The following JPH2 variants were observed in gnomAD, a reference collection of about 807,000 sequenced individuals.
JPH2 encodes the protein junctophilin-2.
JPH2 carries 38 observed loss-of-function variants against 55.9 expected under a neutral mutation model. The observed-to-expected ratio is 0.68, with a 90% CI of 0.52 to 0.89. The LOEUF (loss-of-function observed/expected upper bound fraction) is 0.89. JPH2 is among the 40% of genes least tolerant of loss of function. The probability of loss-of-function intolerance (pLI) is 0.00; values close to 1 mark genes in which losing one functional copy is unlikely to be tolerated. For synonymous variants in JPH2, 480 were observed against 472.4 expected (o/e 1.02, Z -0.21); for missense variants, 964 against 1,037.6 (o/e 0.93, Z 0.97).
intron 4 of JPH2, 85 bp downstream of exon 4, chr20:44,115,580 C>A: frequency 6.3e-7 from 1 of 1,583,996 alleles, no homozygotes; most frequent in East Asian, 2.3e-5. Context: ...CAGCAACCCC[C>A]AAATCCCCTG....
intron 2 of JPH2, among the ~76,000 whole-genome samples, chr20:44,142,861 C>T (rs773562943): frequency 2.0e-5 from 3 of 152,130 alleles, no homozygotes; most frequent in African/African-American, 7.2e-5. Context: ...GTGGGTTCTT[C>T]CCATTACAGT....
At chr20:44,121,861 C>G (rs1989606) in intron 2 of JPH2, among the ~76,000 whole-genome samples, 4 of 151,668 alleles carry the variant, frequency 2.6e-5, no homozygotes, top group African/African-American at 9.7e-5. Flanking sequence ...GGTGTGGTGG[C>G]GCACACCTGT....
At chr20:44,172,430 G>T (rs941229780) in intron 1 of JPH2, among the ~76,000 whole-genome samples, 3 of 152,166 alleles carry the variant, frequency 2.0e-5, no homozygotes, top group Non-Finnish European at 4.4e-5. Flanking sequence ...GAGCTCTCAT[G>T]AGCCAGTAGG....
At chr20:44,119,531 C>T (rs776380359) in intron 2 of JPH2, among the ~76,000 whole-genome samples, 1 of 152,138 alleles carries the variant, frequency 6.6e-6, no homozygotes, top group Non-Finnish European at 1.5e-5. Flanking sequence ...CTCCTTACTA[C>T]CCCAGAGAAT....
chr20:44,114,987 G>A, intron 4 of JPH2, 111 bp from the exon 5 acceptor site: 3 of 801,094 alleles, frequency 3.7e-6, no homozygotes, highest in Non-Finnish European at 6.4e-6. Flanking sequence ...ACCTTCCTAA[G>A]AGCATTGCCG....
At chr20:44,158,567 A>G (rs1195154927) in intron 2 of JPH2, among the ~76,000 whole-genome samples, 1 of 152,240 alleles carries the variant, frequency 6.6e-6, no homozygotes, top group African/African-American at 2.4e-5. Context: ...CCTTGTACCT[A>G]GTAGGTGCCA....
At chr20:44,134,359 T>TAA (rs1159244457) in intron 2 of JPH2, among the ~76,000 whole-genome samples, 1 of 2,000 alleles carries the variant, frequency 5.0e-4, no homozygotes, top group African/African-American at 2.8e-3. Context: ...TATAAATATA[T>TAA]ATATTTATTA....
At chr20:44,114,344 G>A (rs1255402296) in intron 5 of JPH2, among the ~76,000 whole-genome samples, 1 of 152,194 alleles carries the variant, frequency 6.6e-6, no homozygotes, top group African/African-American at 2.4e-5. Context: ...GTCTAGACCT[G>A]TTGTGCTCAG....
intron 2 of JPH2, among the ~76,000 whole-genome samples, chr20:44,126,023 G>A (rs2072272279): frequency 6.6e-6 from 1 of 151,650 alleles, no homozygotes; most frequent in South Asian, 2.1e-4. Context: ...CTACTTGGAA[G>A]GCTGAGGTGG....
rs1166458368 is a variant in JPH2 at position 44,157,221 on chromosome 20, G to T, written c.1169+2397C>A. Reference sequence around the variant, plus strand: ...CCCACTCCCAGCTACTCAGAGAGTTGCCAGCTGTCAGCCCTCTCCAGGGAT... The same window carrying T: ...CCCACTCCCAGCTACTCAGAGAGTTTCCAGCTGTCAGCCCTCTCCAGGGAT... On this transcript the variant is annotated intron_variant, in intron 2 of 5. Coordinates refer to ENST00000372980, the MANE Select transcript of JPH2 (RefSeq NM_020433.5). 4.6e-5 allele frequency among the ~76,000 whole-genome samples: 7 copies of T among 152,158 alleles called. No homozygotes were observed. In the East Asian group the frequency reaches 1.3e-3, roughly 29 times the overall value.
chr20:44,128,770 T>C (rs1229290800), intron 2 of JPH2, among the ~76,000 whole-genome samples: 1 of 152,058 alleles, frequency 6.6e-6, no homozygotes, highest in East Asian at 1.9e-4. Flanking sequence ...CACTGCAACC[T>C]TGAACTCCTG....
At chr20:44,148,675 C>G (rs1377343102) in intron 2 of JPH2, among the ~76,000 whole-genome samples, 1 of 152,146 alleles carries the variant, frequency 6.6e-6, no homozygotes, top group East Asian at 1.9e-4. Context: ...CCTTCTCCCC[C>G]ACAATCTAAG....
chr20:44,185,208 A>G (rs1356333432), intron 1 of JPH2, among the ~76,000 whole-genome samples: 2 of 152,148 alleles, frequency 1.3e-5, no homozygotes, highest in Non-Finnish European at 2.9e-5. Flanking sequence ...TCAGGAGGCC[A>G]AGATGGGAGG....
Position 44,108,418 on chromosome 20 carries a change from A to C in JPH2, c.*5100T>G, listed in dbSNP as rs1243842922. On this transcript the variant is annotated 3_prime_UTR_variant, in exon 6 of 6. Coordinates refer to ENST00000372980, the MANE Select transcript of JPH2 (RefSeq NM_020433.5). The stretch of plus-strand genomic sequence containing the variant: ...CATAGGAACCCCCTTGTTTGTAGCC[A>C]GTCAGTATGAACTGATGGTGGCCCT... Among the ~76,000 whole-genome samples, 3 of 152,118 alleles carry C rather than the reference A, an allele frequency of 2.0e-5. No homozygotes were observed. Among genetic ancestry groups the C allele is most frequent in the Admixed American group, 1.3e-4 (2 of 15,266 alleles).
chr20:44,180,973 T>C (rs1442063616), intron 1 of JPH2, among the ~76,000 whole-genome samples: 1 of 151,760 alleles, frequency 6.6e-6, no homozygotes, highest in East Asian at 1.9e-4. Context: ...GGCTGGGGCA[T>C]GTGCGGATGC....
At chr20:44,167,150 G>A (rs2072661832) in intron 1 of JPH2, among the ~76,000 whole-genome samples, 1 of 152,202 alleles carries the variant, frequency 6.6e-6, no homozygotes, top group Non-Finnish European at 1.5e-5. Flanking sequence ...CCTGAGTGCT[G>A]CTGGAAACAG....
At position 44,112,115 on chromosome 20, in the gene JPH2, C is replaced by G. The variant is rs2072150407; in HGVS notation, c.*1403G>C. 6.6e-6 allele frequency: 1 copy of G among 152,354 alleles called. No individual in the cohort carries two copies. The highest frequency in any genetic ancestry group is 2.4e-5 in the African/African-American group (1 of 41,466). The allele number at this position is 152,354 out of a possible 1,614,324, so 9.4% of individuals were successfully genotyped here. A position where few individuals can be genotyped will look rare whatever the true frequency, so the allele number is the denominator to read the frequency against. On this transcript the variant is annotated 3_prime_UTR_variant, in exon 6 of 6. Coordinates refer to ENST00000372980, the MANE Select transcript of JPH2 (RefSeq NM_020433.5). ...CAAGCATTGAAGGGAAATGGGAAAG[C>G]TGACCCTATCAGAAGCAAACTCCTA...
At chr20:44,129,933 G>A (rs2072305416) in intron 2 of JPH2, among the ~76,000 whole-genome samples, 1 of 152,100 alleles carries the variant, frequency 6.6e-6, no homozygotes, top group African/African-American at 2.4e-5. Context: ...GGGTTGAAAA[G>A]ACAAGCACAA....
intron 2 of JPH2, among the ~76,000 whole-genome samples, chr20:44,121,282 C>T (rs144750663): frequency 6.6e-6 from 1 of 152,234 alleles, no homozygotes; most frequent in East Asian, 1.9e-4. Flanking sequence ...TTTGTGCCTT[C>T]GAGGAGCTGC....
Sources: allele counts gnomAD v4.1 joint callset (sites outside exome capture counted in the v4.1 genomes callset), GRCh38; gene constraint gnomAD v4.1.1; transcripts MANE v1.5; gene names NCBI Gene and HGNC (gene_info 2026-07-23, HGNC 2026-07-21).